The following LYZL2 variants were observed in gnomAD, a reference collection of about 807,000 sequenced individuals.
LYZL2 encodes lysozyme-like protein 2.
Under a neutral mutation model 17.1 loss-of-function variants are expected in LYZL2, and 13 were observed. That is an observed-to-expected ratio of 0.76 (90% CI 0.49 to 1.21). The LOEUF (loss-of-function observed/expected upper bound fraction) is 1.21. Ranked by LOEUF, LYZL2 falls within the 50% of genes most tolerant of loss-of-function variation. The pLI, the probability that LYZL2 is intolerant of heterozygous loss-of-function variation, is 0.00. For missense variants in LYZL2, 166 were observed against 189.2 expected, an observed-to-expected ratio of 0.88 and a Z score of 0.72; for synonymous variants, 63 against 74.4, an observed-to-expected ratio of 0.85 and a Z score of 0.79.
intron 3 of LYZL2, among the ~76,000 whole-genome samples, chr10:30,618,742 A>T (rs1166413119): frequency 6.6e-6 from 1 of 152,324 alleles, no homozygotes; most frequent in African/African-American, 2.4e-5. Context: ...AACCTAGGCA[A>T]TACCATTCAG....
At chr10:30,623,569 T>C (rs947544039) in intron 3 of LYZL2, among the ~76,000 whole-genome samples, 3 of 152,154 alleles carry the variant, frequency 2.0e-5, no homozygotes, top group Non-Finnish European at 4.4e-5. Context: ...GATTCTTATA[T>C]AGGTGTGAAC....
At chr10:30,626,052 C>T (rs1013825221) in intron 3 of LYZL2, 53 bp downstream of exon 3, 53 of 1,576,002 alleles carry the variant, frequency 3.4e-5, no homozygotes, top group South Asian at 5.9e-5. Flanking sequence ...ATCCCATTGT[C>T]GGCTTTCTCA....
rs1419504942 is a variant in LYZL2, at chr10:30,626,809, A to G, written c.107T>C (p.Leu36Pro). The change falls in exon 2 of 5, where the codon CTG (leucine) becomes CCG (proline). Residue 36 changes from leucine (L) to proline (P), a missense_variant. Leu to Pro is a moderately conservative substitution (Grantham distance 98). Transcript: ENST00000647634. ...AAGGCTGAAGCCCCAGTAATTGTCC[A>G]GGCCAGCCCTCGAGAATATTTTTGC... ...KLAKIFSRAG[L>P]DNYWGFSLGN... The G allele has an allele frequency of 3.1e-6, 5 of 1,614,272 alleles. No homozygotes were observed. Among genetic ancestry groups the G allele is most frequent in the Middle Eastern group, 1.6e-4 (1 of 6,062 alleles).
intron 1 of LYZL2, among the ~76,000 whole-genome samples, chr10:30,627,840 C>T (rs948808997): frequency 6.6e-6 from 1 of 152,144 alleles, no homozygotes; most frequent in Non-Finnish European, 1.5e-5. Context: ...ATGAAATACA[C>T]GTGGACCTGA....
At chr10:30,608,317 A>G (rs185675901), downstream of LYZL2, among the ~76,000 whole-genome samples, 2 of 152,322 alleles carry the variant, frequency 1.3e-5, no homozygotes, top group East Asian at 3.9e-4. Context: ...GGGAGTTTCA[A>G]TTTTAGATAT....
intron 4 of LYZL2, among the ~76,000 whole-genome samples, chr10:30,612,396 G>A (rs1838459679): frequency 6.6e-6 from 1 of 152,194 alleles, no homozygotes; most frequent in Non-Finnish European, 1.5e-5. Flanking sequence ...GAGTCGCCAT[G>A]ACACAGACCT....
At chr10:30,621,215 C>T (rs140960794) in intron 3 of LYZL2, among the ~76,000 whole-genome samples, 3 of 151,972 alleles carry the variant, frequency 2.0e-5, no homozygotes, top group East Asian at 1.9e-4. Context: ...TATTACATAC[C>T]GGGGACAAAC....
In LYZL2 at chr10:30,613,160, G is replaced by A. The variant is rs532442803; in HGVS notation, c.299-260C>T. Among the ~76,000 whole-genome samples the A allele has an allele frequency of 2.6e-5, 4 of 152,312 alleles. No individual in the cohort carries two copies. In the East Asian group the frequency reaches 7.7e-4, roughly 29 times the overall value. ...CCAATCCTGAAGGGTTTTTGGAAAT[G>A]TGTTTAGAGAAGACGCTATGTGAAA... On this transcript the variant is annotated intron_variant, in intron 3 of 4. Coordinates refer to ENST00000647634, the MANE Select transcript of LYZL2 (RefSeq NM_183058.3).
chr10:30,613,423 G>A (rs1175495750), intron 3 of LYZL2, among the ~76,000 whole-genome samples: 1 of 151,816 alleles, frequency 6.6e-6, no homozygotes, highest in African/African-American at 2.4e-5. Flanking sequence ...CTTGAGCCCA[G>A]GAGGTCAAAG....
intron 3 of LYZL2, among the ~76,000 whole-genome samples, chr10:30,624,646 A>G: frequency 6.6e-6 from 1 of 152,210 alleles, no homozygotes; most frequent in Non-Finnish European, 1.5e-5. Context: ...TGATTCTCAG[A>G]AAATATACTC....
chr10:30,612,539 C>A (rs1838461178), intron 4 of LYZL2, among the ~76,000 whole-genome samples: 1 of 152,184 alleles, frequency 6.6e-6, no homozygotes, highest in East Asian at 1.9e-4. Context: ...TTGACCCTTT[C>A]CAAGTCACTT....
rs187887941 is a variant in LYZL2 at position 30,617,761 on chromosome 10, G to A, written c.299-4861C>T. 4.6e-3 allele frequency among the ~76,000 whole-genome samples: 695 copies of A among 149,808 alleles called. 5 individuals carry two copies. The highest frequency in any genetic ancestry group is 6.8e-3 in the Middle Eastern group (2 of 292). ...CTGGAAGCATTCCCTTTGAAAACTAGCACAAGACAGGGATGTCCTCTCTCA... is the reference window on the plus strand; with the variant it reads ...CTGGAAGCATTCCCTTTGAAAACTAACACAAGACAGGGATGTCCTCTCTCA... On this transcript the variant is annotated intron_variant, in intron 3 of 4. Coordinates refer to ENST00000647634, the MANE Select transcript of LYZL2 (RefSeq NM_183058.3).
At chr10:30,614,558 C>T (rs1838498672) in intron 3 of LYZL2, among the ~76,000 whole-genome samples, 1 of 152,234 alleles carries the variant, frequency 6.6e-6, no homozygotes, top group Non-Finnish European at 1.5e-5. Flanking sequence ...CTGGGAGGCC[C>T]ATCTCCATGA....
downstream of LYZL2, among the ~76,000 whole-genome samples, chr10:30,607,866 G>A (rs913900896): frequency 2.6e-5 from 4 of 152,112 alleles, no homozygotes; most frequent in South Asian, 6.2e-4. Context: ...TCAAGCAGTC[G>A]GACCCTTCAA....
chr10:30,614,120 C>T (rs1256385212), intron 3 of LYZL2, among the ~76,000 whole-genome samples: 1 of 152,208 alleles, frequency 6.6e-6, no homozygotes, highest in African/African-American at 2.4e-5. Flanking sequence ...AAATCCTCAA[C>T]ACAAACATGA....
chr10:30,622,798 G>T (rs554396265), intron 3 of LYZL2, among the ~76,000 whole-genome samples: 21 of 152,234 alleles, frequency 1.4e-4, no homozygotes, highest in African/African-American at 4.8e-4. Context: ...TTATCATTTG[G>T]CCCTTTAGGC....
chr10:30,625,941 T>C, intron 3 of LYZL2, among the ~76,000 whole-genome samples, 164 bp downstream of exon 3: 1 of 152,228 alleles, frequency 6.6e-6, no homozygotes, highest in Admixed American at 6.5e-5. Flanking sequence ...CGCAGGATCC[T>C]GAGTGTCACC....
downstream of LYZL2, among the ~76,000 whole-genome samples, chr10:30,606,852 T>G (rs1838382153): frequency 6.6e-6 from 1 of 151,922 alleles, no homozygotes; most frequent in South Asian, 2.1e-4. Flanking sequence ...ATGTTTTCTG[T>G]TAGTACCAAC....
At chr10:30,611,550 GGAAGGAAGGAAGGAAGGAAGGAAAGAAA>G (rs1482502809), downstream of LYZL2, among the ~76,000 whole-genome samples, 6 of 79,342 alleles carry the variant, frequency 7.6e-5, no homozygotes, top group East Asian at 3.5e-4. Flanking sequence ...AAGGAAGGAA[GGAAGGAAGGAAGGAAGGAAGGAAAGAAA>G]GAAAGAAAGA....
Sources: allele counts gnomAD v4.1 joint callset (sites outside exome capture counted in the v4.1 genomes callset), GRCh38; gene constraint gnomAD v4.1.1; transcripts MANE v1.5; gene names NCBI Gene and HGNC (gene_info 2026-07-23, HGNC 2026-07-21).